Variants in ZNF749 observed in about 807,000 individuals in gnomAD.
ZNF749 encodes zinc finger protein 749.
A neutral mutation model predicts 7.3 loss-of-function variants in ZNF749; 8 were observed. That is an observed-to-expected ratio of 1.10 (90% CI 0.64 to 1.98). The LOEUF is 1.98. ZNF749 is among the 30% of genes most tolerant of loss of function. ZNF749 has a pLI of 0.00. For missense variants in ZNF749, 898 were observed against 932.4 expected (o/e 0.96, Z 0.48); for synonymous variants, 310 against 322.4 (o/e 0.96, Z 0.41).
intron 1 of ZNF749, among the ~76,000 whole-genome samples, chr19:57,441,072 G>A (rs2088983292): frequency 7.6e-6 from 1 of 131,432 alleles, no homozygotes; most frequent in Admixed American, 9.0e-5. Flanking sequence ...GTTGCAGTGA[G>A]CCACTGCACT....
Sources: gnomAD v4.1 joint callset for allele counts (sites outside exome capture counted in the v4.1 genomes callset) on GRCh38, gnomAD v4.1.1 for gene constraint, MANE v1.5 for transcripts, NCBI Gene and HGNC (gene_info 2026-07-23, HGNC 2026-07-21) for gene names.